The following ZNF334 variants were observed in gnomAD, a reference collection of about 807,000 sequenced individuals.
ZNF334 encodes zinc finger protein 334.
Under a neutral mutation model 12.4 loss-of-function variants are expected in ZNF334, and 14 were observed. That is an observed-to-expected ratio of 1.13 (90% CI 0.74 to 1.76). ZNF334 has a LOEUF of 1.76. Ranked by LOEUF, ZNF334 falls within the 40% of genes most tolerant of loss-of-function variation. The probability of loss-of-function intolerance (pLI) is 0.00; values close to 1 mark genes in which losing one functional copy is unlikely to be tolerated. For missense variants in ZNF334, 797 were observed against 804.5 expected (o/e 0.99, Z 0.11); for synonymous variants, 273 against 269.6 (o/e 1.01, Z -0.12).
intron 1 of ZNF334, 109 bp from the exon 2 acceptor site, chr20:46,512,249 A>G: frequency 1.4e-6 from 1 of 719,038 alleles, no homozygotes; most frequent in Non-Finnish European, 2.4e-6. Context: ...CCCTTTGACC[A>G]GTCTGGTTCA....
the ZNF334 span, among the ~76,000 whole-genome samples, chr20:46,480,841 A>C: frequency 6.6e-6 from 1 of 152,152 alleles, no homozygotes; most frequent in African/African-American, 2.4e-5. Flanking sequence ...TGGCAGGGAA[A>C]GTTTTGTTCA....
chr20:46,502,220 T>G lies in ZNF334; in HGVS notation c.1119A>C (p.Gly373=). Residue 373 remains glycine, a synonymous_variant, in exon 5 of 5, where the codon GGA becomes GGC. Coordinates refer to ENST00000692313, the MANE Select transcript of ZNF334 (RefSeq NM_001353824.2). ...YLVVHQRTHR[G]EKPNECKECG... ...ATTCCTTACATTCATTTGGCTTCTCTCCTCTGTGAGTTCTTTGATGTACAA... is the reference window on the plus strand; with the variant it reads ...ATTCCTTACATTCATTTGGCTTCTCGCCTCTGTGAGTTCTTTGATGTACAA... 1 of 1,614,124 alleles carries G rather than the reference T, an allele frequency of 6.2e-7. No individual in the cohort carries two copies. The highest frequency in any genetic ancestry group is 1.1e-5 in the South Asian group (1 of 91,078).
intron 2 of ZNF334, among the ~76,000 whole-genome samples, chr20:46,509,066 C>T (rs1034597148): frequency 7.9e-5 from 12 of 152,268 alleles, no homozygotes; most frequent in Non-Finnish European, 1.0e-4. Flanking sequence ...GTAATTATCA[C>T]GTTCATAGAA....
chr20:46,501,387 G>C lies in ZNF334; in HGVS notation c.1952C>G (p.Thr651Arg). The C allele has an allele frequency of 6.2e-7, 1 of 1,613,532 alleles. No individual in the cohort carries two copies. The highest frequency in any genetic ancestry group is 8.5e-7 in the Non-Finnish European group (1 of 1,179,758). The part of the protein sequence containing the change: ...WTLTEHQKIH[T>R]GEKPYECNKC... The stretch of plus-strand genomic sequence containing the variant: ...GTTACATTCATAAGGTTTCTCTCCT[G>C]TGTGTATTTTCTGATGTTCAGTGAG... Residue 651 changes from threonine to arginine, a missense_variant, in exon 5 of 5, where the codon ACA becomes AGA. Transcript: ENST00000692313.
At chr20:46,495,665 G>A (rs1399130961), downstream of ZNF334, among the ~76,000 whole-genome samples, 1 of 152,264 alleles carries the variant, frequency 6.6e-6, no homozygotes, top group Non-Finnish European at 1.5e-5. Context: ...GAACCAATAT[G>A]AGGATTCTGC....
rs372425196 is a variant in ZNF334, at chr20:46,501,977, A to G, written c.1362T>C (p.Thr454=). Residue 454 remains threonine, a synonymous_variant, in exon 5 of 5, where the codon ACT becomes ACC. Transcript: ENST00000692313. ...TKSALIAHQI[T]HRGKKSYECN... is the part of the protein sequence containing the mutation. ...ATTCATAAGACTTCTTTCCTCTATG[A>G]GTTATCTGATGTGCAATGAGGGCTG... 25 of 1,613,876 alleles carry G rather than the reference A, an allele frequency of 1.5e-5. No homozygotes were observed. In the African/African-American group the frequency reaches 3.2e-4, roughly 21 times the overall value.
rs1305799611 is a variant in ZNF334 at position 46,499,978 on chromosome 20, T to G, written c.*1318A>C. 6.6e-6 allele frequency: 1 copy of G among 152,184 alleles called. No individual in the cohort carries two copies. Among genetic ancestry groups the G allele is most frequent in the Non-Finnish European group, 1.5e-5 (1 of 68,024 alleles). 9.4% of individuals were successfully genotyped at this position (152,184 alleles called of 1,614,324 possible). On this transcript the variant is annotated 3_prime_UTR_variant, in exon 5 of 5. Coordinates refer to ENST00000692313, the MANE Select transcript of ZNF334 (RefSeq NM_001353824.2). ...TAGCAGACAGGGGGCAGGATGAAAC[T>G]TTTATTACTGATCAAATTGAGTTGG...
In ZNF334 at chr20:46,512,050, T is replaced by C. The variant is rs6062998; in HGVS notation, c.21+32A>G. The C allele has an allele frequency of 9.3e-3, 14,993 of 1,609,686 alleles. 78 individuals carry two copies. The highest frequency in any genetic ancestry group is 0.011 in the Non-Finnish European group (12,943 of 1,176,034). On this transcript the variant is annotated intron_variant, in intron 2 of 4. Coordinates refer to ENST00000692313, the MANE Select transcript of ZNF334 (RefSeq NM_001353824.2). ...TCTAAACCTCTTGAAATTCACTGTATAATGTGAGAAGTAAATCCCTGAGCA... is the reference window on the plus strand; with the variant it reads ...TCTAAACCTCTTGAAATTCACTGTACAATGTGAGAAGTAAATCCCTGAGCA...
In ZNF334 at chr20:46,512,567, C is replaced by T. The variant is rs901763598; in HGVS notation, c.-66G>A. 6.5e-6 allele frequency: 1 copy of T among 153,582 alleles called. No individual in the cohort carries two copies. The highest frequency in any genetic ancestry group is 2.4e-5 in the African/African-American group (1 of 41,442). The allele number at this position is 153,582 out of a possible 1,614,324, so 9.5% of individuals were successfully genotyped here. ...GTTTTCCTACTAATGTGTTTAGCCACTTGAGATGACAGAATCCAGAGAGAA... is the reference window on the plus strand; with the variant it reads ...GTTTTCCTACTAATGTGTTTAGCCATTTGAGATGACAGAATCCAGAGAGAA... On this transcript the variant is annotated 5_prime_UTR_variant, in exon 1 of 5. It adds an upstream start codon to the 5' untranslated region. Transcript: ENST00000692313.
At chr20:46,485,199 C>G in the ZNF334 span, 60 of 165,884 alleles carry the variant, frequency 3.6e-4, no homozygotes, top group Non-Finnish European at 4.4e-4. Context: ...AGAGCTTTCC[C>G]CTGGGCTTCT....
the ZNF334 span, among the ~76,000 whole-genome samples, chr20:46,479,198 T>C: frequency 8.1e-3 from 1,234 of 152,260 alleles, 9 homozygotes; most frequent in African/African-American, 0.028. Flanking sequence ...CTCCTTGCCT[T>C]TTCTTGCTTC....
rs1273626589 is a variant in ZNF334 at position 46,502,639 on chromosome 20, T to C, written c.700A>G (p.Arg234Gly). The C allele has an allele frequency of 4.3e-6, 7 of 1,612,738 alleles. No homozygotes were observed. Among genetic ancestry groups the C allele is most frequent in the Non-Finnish European group, 5.9e-6 (7 of 1,180,038 alleles). Residue 234 changes from arginine (R) to glycine (G), a missense_variant, in exon 5 of 5, where the codon AGG becomes GGG. Arg to Gly is a moderately radical substitution (Grantham distance 125). Coordinates refer to ENST00000692313, the MANE Select transcript of ZNF334 (RefSeq NM_001353824.2). ...LITQKGRQTE[R>G]KPNECNECRK... ...CATTCATTACATTCATTTGGTTTCC[T>C]TTCAGTCTGTCTCCCCTTTTGTGTA...
downstream of ZNF334, among the ~76,000 whole-genome samples, chr20:46,497,666 C>T (rs151295366): frequency 5.1e-3 from 772 of 152,310 alleles, 13 homozygotes; most frequent in East Asian, 0.083. Flanking sequence ...TGCTCCACAA[C>T]ACTGTAGTGA....
chr20:46,465,516 A>G, the ZNF334 span, among the ~76,000 whole-genome samples: 1 of 152,132 alleles, frequency 6.6e-6, no homozygotes, highest in Non-Finnish European at 1.5e-5. Context: ...TGGGCAACAT[A>G]ATATAACCCC....
Position 46,502,798 on chromosome 20 carries a change from A to C in ZNF334, c.541T>G (p.Tyr181Asp). ...GCTTTCCTCATTGGATTGTATCTGT[A>C]TTTTTTCATTCCCAAATGACTTTTC... is the stretch of plus-strand genomic sequence containing the variant. Reference protein sequence around the residue: ...HEKSHLGMKKYRYNPMRKASN... With the variant: ...HEKSHLGMKKDRYNPMRKASN... Residue 181 changes from tyrosine (Y) to aspartate (D), a missense_variant, in exon 5 of 5, where the codon TAC (tyrosine) becomes GAC (aspartate). Transcript: ENST00000692313. 1.9e-6 allele frequency: 3 copies of C among 1,613,764 alleles called. No homozygotes were observed. Among genetic ancestry groups the C allele is most frequent in the Non-Finnish European group, 2.5e-6 (3 of 1,179,964 alleles).
Position 46,501,620 on chromosome 20 carries a change from C to A in ZNF334, c.1719G>T (p.Glu573Asp). The change falls in exon 5 of 5, where the codon GAG becomes GAT. Residue 573 changes from glutamate (E) to aspartate (D), a missense_variant. Physicochemically the swap from Glu to Asp is conservative, Grantham distance 45. Coordinates refer to ENST00000692313, the MANE Select transcript of ZNF334 (RefSeq NM_001353824.2). ...QRTHTGQRPY[E>D]CNECGKTFCQ... ...AGAAGGTTTTCCCACATTCATTACA[C>A]TCATAGGGTCTCTGTCCTGTGTGTG... 6.2e-7 allele frequency: 1 copy of A among 1,613,848 alleles called. No homozygotes were observed. Among genetic ancestry groups the A allele is most frequent in the Non-Finnish European group, 8.5e-7 (1 of 1,179,928 alleles).
intron 4 of ZNF334, 146 bp from the exon 5 acceptor site, chr20:46,503,243 C>A (rs2061314554): frequency 1.0e-6 from 1 of 996,668 alleles, no homozygotes; most frequent in South Asian, 2.7e-5. Flanking sequence ...GCAAATATCT[C>A]TTACTTGGTT....
the ZNF334 span, among the ~76,000 whole-genome samples, chr20:46,479,338 C>T: frequency 6.6e-6 from 1 of 152,042 alleles, no homozygotes; most frequent in Non-Finnish European, 1.5e-5. Flanking sequence ...TAAGCCAAAA[C>T]AAAAATCCCA....
At chr20:46,473,319 T>C in the ZNF334 span, among the ~76,000 whole-genome samples, 1 of 152,254 alleles carries the variant, frequency 6.6e-6, no homozygotes, top group East Asian at 1.9e-4. Context: ...AATTTTGACT[T>C]TGTTGCTTCC....
Sources: gnomAD v4.1 joint callset for allele counts (sites outside exome capture counted in the v4.1 genomes callset) on GRCh38, gnomAD v4.1.1 for gene constraint, MANE v1.5 for transcripts, NCBI Gene and HGNC (gene_info 2026-07-23, HGNC 2026-07-21) for gene names.